The following RDH11 variants were observed in gnomAD, a reference collection of about 807,000 sequenced individuals.
The protein encoded by RDH11 is retinol dehydrogenase 11.
Under a neutral mutation model 33.4 loss-of-function variants are expected in RDH11, and 19 were observed. The observed-to-expected ratio is 0.57, with a 90% CI of 0.40 to 0.83. The LOEUF (loss-of-function observed/expected upper bound fraction) is 0.83. Among genes scored for constraint, RDH11 ranks in the 40% least tolerant of loss-of-function variants. The pLI is 0.00. For synonymous variants in RDH11, 154 were observed against 155.3 expected (o/e 0.99, Z 0.06); for missense variants, 353 against 389.0 (o/e 0.91, Z 0.78).
chr14:67,684,024 T>A (rs1192550555), intron 6 of RDH11, among the ~76,000 whole-genome samples: 1 of 152,208 alleles, frequency 6.6e-6, no homozygotes, highest in Non-Finnish European at 1.5e-5. Flanking sequence ...TGATAAAAAT[T>A]CTGCTGCTTC....
intron 6 of RDH11, among the ~76,000 whole-genome samples, chr14:67,681,527 A>C (rs906817541): frequency 2.6e-5 from 4 of 152,228 alleles, no homozygotes; most frequent in African/African-American, 4.8e-5. Flanking sequence ...TCATGCCTAT[A>C]ATCCCAGCAC....
intron 6 of RDH11, among the ~76,000 whole-genome samples, chr14:67,680,571 A>G (rs2037602622): frequency 6.6e-6 from 1 of 151,984 alleles, no homozygotes; most frequent in Non-Finnish European, 1.5e-5. Flanking sequence ...TGATCCTCCT[A>G]TCTCAGCCTC....
At position 67,690,435 on chromosome 14, in the gene RDH11, C is replaced by A; in HGVS notation, c.455-14G>T. On this transcript the variant is annotated splice_polypyrimidine_tract_variant and intron_variant, in intron 4 of 6. Coordinates refer to ENST00000381346, the MANE Select transcript of RDH11 (RefSeq NM_016026.4). Reference sequence around the variant, plus strand: ...GGAGGAAGTGACCTGTTGAGAAATACTAGAATTAATGAAGTTCAGGGCCAT... The same window carrying A: ...GGAGGAAGTGACCTGTTGAGAAATAATAGAATTAATGAAGTTCAGGGCCAT... 6.2e-7 allele frequency: 1 copy of A among 1,611,520 alleles called. No individual in the cohort carries two copies. Among genetic ancestry groups the A allele is most frequent in the South Asian group, 1.1e-5 (1 of 91,010 alleles).
chr14:67,695,718 G>A lies in RDH11; in HGVS notation c.-15C>T. Reference sequence around the variant, plus strand: ...AGCTCAACCATCTCTGCCGGCTGCAGCGGCACCAGAGCGGGATGCTCCAGC... The same window carrying A: ...AGCTCAACCATCTCTGCCGGCTGCAACGGCACCAGAGCGGGATGCTCCAGC... On this transcript the variant is annotated 5_prime_UTR_variant, in exon 1 of 7. Coordinates refer to ENST00000381346, the MANE Select transcript of RDH11 (RefSeq NM_016026.4). The A allele has an allele frequency of 1.2e-6, 2 of 1,613,318 alleles. No homozygotes were observed. Among genetic ancestry groups the A allele is most frequent in the Non-Finnish European group, 1.7e-6 (2 of 1,179,354 alleles).
At chr14:67,693,848 A>C (rs975474660) in intron 1 of RDH11, among the ~76,000 whole-genome samples, 4 of 151,970 alleles carry the variant, frequency 2.6e-5, no homozygotes, top group Non-Finnish European at 5.9e-5. Flanking sequence ...ACAGGGTTTC[A>C]CCACGCTGGC....
chr14:67,688,598 C>CT (rs34047695), intron 5 of RDH11, among the ~76,000 whole-genome samples: 34,986 of 136,482 alleles, frequency 0.26, 5,315 homozygotes, highest in Non-Finnish European at 0.34. Flanking sequence ...GCTTTGAACT[C>CT]TTTTTTTTTT....
chr14:67,679,716 T>C (rs1232365382), intron 6 of RDH11, among the ~76,000 whole-genome samples: 2 of 152,208 alleles, frequency 1.3e-5, no homozygotes, highest in Non-Finnish European at 2.9e-5. Context: ...TAATTCCAAG[T>C]TTTATAATTT....
intron 5 of RDH11, among the ~76,000 whole-genome samples, chr14:67,685,847 T>C (rs111906369): frequency 0.17 from 25,499 of 151,520 alleles, 2,228 homozygotes; most frequent in African/African-American, 0.23. Flanking sequence ...AACTCCTGAC[T>C]TCAAGTGATC....
chr14:67,687,663 G>C (rs2037697601), intron 5 of RDH11, among the ~76,000 whole-genome samples: 1 of 151,464 alleles, frequency 6.6e-6, no homozygotes. Flanking sequence ...TAGAGATGGG[G>C]TTTCTCCATG....
At chr14:67,693,133 T>C (rs1297390276) in intron 1 of RDH11, 81 bp from the exon 2 acceptor site, 4 of 886,346 alleles carry the variant, frequency 4.5e-6, no homozygotes, top group African/African-American at 1.7e-5. Flanking sequence ...CTGTGTCTTC[T>C]GGCTGAGGTT....
Position 67,695,635 on chromosome 14 carries a change from T to G in RDH11, c.69A>C (p.Gln23His), listed in dbSNP as rs768994306. ...LPFLLYMAAP[Q>H]IRKMLSSGVC... is the part of the protein sequence containing the mutation. ...GGCAATACATTTGCACAGACCTGAT[T>G]TGGGGCGCAGCCATATACAGAAGGA... The change falls in exon 1 of 7, where the codon CAA becomes CAC. Residue 23 changes from glutamine to histidine, a missense_variant. Gln to His is a conservative substitution (Grantham distance 24, BLOSUM62 0). Transcript: ENST00000381346. 2 of 1,614,072 alleles carry G rather than the reference T, an allele frequency of 1.2e-6. No homozygotes were observed. Among genetic ancestry groups the G allele is most frequent in the Non-Finnish European group, 8.5e-7 (1 of 1,179,972 alleles).
chr14:67,687,426 T>G (rs116627026), intron 5 of RDH11, among the ~76,000 whole-genome samples: 284 of 151,776 alleles, frequency 1.9e-3, no homozygotes, highest in African/African-American at 6.7e-3. Context: ...CTTTGTACAT[T>G]CTCCTCCTTC....
Position 67,685,010 on chromosome 14 carries a change from C to A in RDH11, c.854+5G>T. The A allele has an allele frequency of 1.9e-6, 3 of 1,601,956 alleles. No individual in the cohort carries two copies. The highest frequency in any genetic ancestry group is 1.1e-5 in the South Asian group (1 of 88,986). ...CTCATCTGCAAAAAGAGATAACATT[C>A]ATACCTGAAATGATTCCCACTTAGA... On this transcript the variant is annotated splice_donor_5th_base_variant and intron_variant, in intron 6 of 6. Coordinates refer to ENST00000381346, the MANE Select transcript of RDH11 (RefSeq NM_016026.4).
intron 6 of RDH11, among the ~76,000 whole-genome samples, chr14:67,681,317 T>C (rs1425863977): frequency 2.6e-5 from 4 of 152,254 alleles, no homozygotes; most frequent in African/African-American, 7.2e-5. Flanking sequence ...TAAATTTATA[T>C]TGTTTAAGCC....
At chr14:67,687,306 A>C (rs1207115283) in intron 5 of RDH11, among the ~76,000 whole-genome samples, 1 of 152,108 alleles carries the variant, frequency 6.6e-6, no homozygotes, top group Non-Finnish European at 1.5e-5. Context: ...TGTGGCCTCT[A>C]AGGGTTTGGC....
intron 6 of RDH11, among the ~76,000 whole-genome samples, chr14:67,683,727 C>T (rs995378686): frequency 3.3e-5 from 5 of 152,236 alleles, no homozygotes; most frequent in Admixed American, 3.3e-4. Context: ...ACTCTAGCAG[C>T]AATGCCCCGG....
At chr14:67,685,863 A>C (rs72723137) in intron 5 of RDH11, among the ~76,000 whole-genome samples, 19,392 of 151,856 alleles carry the variant, frequency 0.13, 1,290 homozygotes, top group East Asian at 0.21. Flanking sequence ...TGATCTGCCC[A>C]CCTCGGCCTC....
At chr14:67,685,389 T>C (rs748641913) in intron 5 of RDH11, among the ~76,000 whole-genome samples, 185 bp from the exon 6 acceptor site, 29 of 152,012 alleles carry the variant, frequency 1.9e-4, no homozygotes, top group Non-Finnish European at 3.1e-4. Context: ...GGCTCTAGAG[T>C]AGACAGTGCT....
rs756297415 is a variant in RDH11 at position 67,678,287 on chromosome 14, G to A, written c.*34C>T. 7.8e-7 allele frequency: 1 copy of A among 1,286,144 alleles called. No individual in the cohort carries two copies. The highest frequency in any genetic ancestry group is 2.3e-5 in the East Asian group (1 of 43,414). 79.7% of individuals were successfully genotyped at this position (1,286,144 alleles called of 1,614,324 possible). ...GACAAGAAGTACTGTGTAGTCTGCT[G>A]CAGTCTTCTCTTGGGTCCAACTGGC... On this transcript the variant is annotated 3_prime_UTR_variant, in exon 7 of 7. Coordinates refer to ENST00000381346, the MANE Select transcript of RDH11 (RefSeq NM_016026.4).
Sources: allele counts gnomAD v4.1 joint callset (sites outside exome capture counted in the v4.1 genomes callset), GRCh38; gene constraint gnomAD v4.1.1; transcripts MANE v1.5; gene names NCBI Gene and HGNC (gene_info 2026-07-23, HGNC 2026-07-21).